TRIP12: variants seen among roughly 807,000 people sequenced by gnomAD.
TRIP12 encodes E3 ubiquitin-protein ligase TRIP12.
In TRIP12, 25 loss-of-function variants were observed where a neutral mutation model predicts 244.2. That is an observed-to-expected ratio of 0.10 (90% CI 0.07 to 0.14). TRIP12 has a LOEUF of 0.14. Ranked by LOEUF, TRIP12 falls within the 10% of genes least tolerant of loss-of-function variation. TRIP12 has a pLI of 1.00. For missense variants in TRIP12, 1,677 were observed against 2,486.4 expected (o/e 0.67, Z 6.92); for synonymous variants, 905 against 873.1 (o/e 1.04, Z -0.64).
intron 34 of TRIP12, among the ~76,000 whole-genome samples, chr2:229,779,483 T>C (rs550674010): frequency 3.3e-5 from 5 of 152,368 alleles, no homozygotes; most frequent in South Asian, 2.1e-4. Context: ...TTTCAGTATA[T>C]GCTTGCATAT....
At chr2:229,803,297 A>G (rs1053138412) in intron 20 of TRIP12, among the ~76,000 whole-genome samples, 1 of 152,164 alleles carries the variant, frequency 6.6e-6, no homozygotes, top group Non-Finnish European at 1.5e-5. Context: ...TATTTTTCTT[A>G]AAGACTGGGT....
chr2:229,810,072 CAT>C (rs1420050086), intron 15 of TRIP12, among the ~76,000 whole-genome samples: 4 of 152,208 alleles, frequency 2.6e-5, no homozygotes, highest in Non-Finnish European at 5.9e-5. Context: ...TAGAACTAAT[CAT>C]AACAGCCAGG....
chr2:229,840,809 AAAAAC>A lies in TRIP12; in HGVS notation c.1133+8_1133+12del. 4 of 1,556,044 alleles carry A rather than the reference AAAAAC, an allele frequency of 2.6e-6. No individual in the cohort carries two copies. Among genetic ancestry groups the A allele is most frequent in the Non-Finnish European group, 3.5e-6 (4 of 1,157,244 alleles). On this transcript the variant is annotated splice_region_variant and intron_variant, in intron 5 of 41. Coordinates refer to ENST00000675903, the MANE Select transcript of TRIP12 (RefSeq NM_001348323.3). ...AAAAATGAACTCACTATAAAAAAAA[AAAAAC>A]AAATTACCTGGTACTAGCACAGGAG... is the stretch of plus-strand genomic sequence containing the variant.
intron 4 of TRIP12, among the ~76,000 whole-genome samples, chr2:229,854,748 A>G (rs2059302333): frequency 6.6e-6 from 1 of 152,226 alleles, no homozygotes; most frequent in South Asian, 2.1e-4. Flanking sequence ...ACATTTAATC[A>G]TGCCTAAAAT....
chr2:229,846,443 T>A (rs997697575), intron 4 of TRIP12, among the ~76,000 whole-genome samples: 5 of 152,206 alleles, frequency 3.3e-5, no homozygotes, highest in Non-Finnish European at 5.9e-5. Flanking sequence ...AAAATATTTT[T>A]AACTAAGCCA....
intron 8 of TRIP12, among the ~76,000 whole-genome samples, chr2:229,820,279 T>C (rs2049688155): frequency 6.6e-6 from 1 of 152,018 alleles, no homozygotes; most frequent in South Asian, 2.1e-4. Flanking sequence ...CTTAAGGACA[T>C]GGATCTTATA....
chr2:229,767,408 C>T lies in TRIP12; in HGVS notation c.*146G>A. On this transcript the variant is annotated 3_prime_UTR_variant, in exon 42 of 42. Transcript: ENST00000675903. ...CCATGGGGCCATTAATGAATATCAA[C>T]CAAATGTCTCTTTATAATCTGCAAG... 2.1e-6 allele frequency: 2 copies of T among 945,088 alleles called. No homozygotes were observed. The highest frequency in any genetic ancestry group is 3.0e-6 in the Non-Finnish European group (2 of 675,630). The allele number at this position is 945,088 out of a possible 1,614,324, so 58.5% of individuals were successfully genotyped here.
Position 229,803,992 on chromosome 2 carries a change from A to AACAC in TRIP12, c.2879+3_2879+6dup. Reference sequence around the variant, plus strand: ...GTAAAATGTTTCTACTATTTTCATTAACACACCTTGAAACAGCATGATTTT... The same window carrying AACAC: ...GTAAAATGTTTCTACTATTTTCATTAACACACACACCTTGAAACAGCATGATTTT... On this transcript the variant is annotated splice_region_variant and intron_variant, in intron 19 of 41. Transcript: ENST00000675903. 2 of 1,602,426 alleles carry AACAC rather than the reference A, an allele frequency of 1.2e-6. No homozygotes were observed. The highest frequency in any genetic ancestry group is 4.5e-5 in the East Asian group (2 of 44,774).
intron 1 of TRIP12, among the ~76,000 whole-genome samples, chr2:229,920,902 G>C (rs1235257869): frequency 6.6e-6 from 1 of 152,188 alleles, no homozygotes; most frequent in Non-Finnish European, 1.5e-5. Flanking sequence ...GAAGGAAGGA[G>C]AGGGGCTGAA....
At position 229,765,109 on chromosome 2, in the gene TRIP12, G is replaced by T. The variant is rs897860048; in HGVS notation, c.*2445C>A. 2 of 152,080 alleles carry T rather than the reference G, an allele frequency of 1.3e-5. No homozygotes were observed. The highest frequency in any genetic ancestry group is 4.8e-5 in the African/African-American group (2 of 41,392). 9.4% of individuals were successfully genotyped at this position (152,080 alleles called of 1,614,324 possible). A position where few individuals can be genotyped will look rare whatever the true frequency, so the allele number is the denominator to read the frequency against. On this transcript the variant is annotated 3_prime_UTR_variant, in exon 42 of 42. Coordinates refer to ENST00000675903, the MANE Select transcript of TRIP12 (RefSeq NM_001348323.3). ...TCCTTCTTGGAATAGTTAAAAATAC[G>T]TTCTCATATATAAAGCAGATCGAAT...
chr2:229,849,583 C>T (rs999478461), intron 4 of TRIP12, among the ~76,000 whole-genome samples: 16 of 152,074 alleles, frequency 1.1e-4, no homozygotes, highest in African/African-American at 3.9e-4. Flanking sequence ...ATAGATCTGG[C>T]CAGGCATAGT....
At position 229,793,128 on chromosome 2, in the gene TRIP12, C is replaced by G; in HGVS notation, c.3986G>C (p.Gly1329Ala). ...GTTGAAAAATTTTAAAGCCTGTGAT[C>G]CTCTGTTGAGAGAAAAGCTCAAGAT... is the stretch of plus-strand genomic sequence containing the variant. ...GTGGSFSLNRGSQALKFFNTH... is the reference protein window; with the variant it reads ...GTGGSFSLNRASQALKFFNTH... The change falls in exon 27 of 42, where the codon GGA becomes GCA. Residue 1329 changes from glycine to alanine, a missense_variant. Gly to Ala is a moderately conservative substitution (Grantham distance 60). This residue lies in a region of TRIP12 where 265 missense variants were observed against 370.8 expected (regional missense o/e 0.71). Transcript: ENST00000675903. 1 of 1,612,420 alleles carries G rather than the reference C, an allele frequency of 6.2e-7. No homozygotes were observed. The highest frequency in any genetic ancestry group is 8.5e-7 in the Non-Finnish European group (1 of 1,179,268).
At chr2:229,907,561 T>C (rs1287360996) in intron 1 of TRIP12, among the ~76,000 whole-genome samples, 1 of 152,182 alleles carries the variant, frequency 6.6e-6, no homozygotes, top group Non-Finnish European at 1.5e-5. Context: ...CTTACAATGC[T>C]GAGGAAGCTG....
intron 2 of TRIP12, among the ~76,000 whole-genome samples, chr2:229,861,486 G>A (rs2060479502): frequency 6.6e-6 from 1 of 152,052 alleles, no homozygotes; most frequent in Admixed American, 6.5e-5. Context: ...ATATACCAAT[G>A]AAAATCTAGA....
Position 229,793,154 on chromosome 2 carries a change from A to C in TRIP12, c.3969-9T>G, listed in dbSNP as rs2041956973. On this transcript the variant is annotated splice_polypyrimidine_tract_variant and intron_variant, in intron 26 of 41. Coordinates refer to ENST00000675903, the MANE Select transcript of TRIP12 (RefSeq NM_001348323.3). ...CTCTGTTGAGAGAAAAGCTCAAGAT[A>C]ATTTGTGAAAAAAAAGTTAGTCTAT... 1.2e-6 allele frequency: 2 copies of C among 1,601,992 alleles called. No individual in the cohort carries two copies. Among genetic ancestry groups the C allele is most frequent in the Non-Finnish European group, 1.7e-6 (2 of 1,175,656 alleles).
rs1559957254 is a variant in TRIP12, at chr2:229,864,045, A to AGAGAGAGAGAGAGT, written c.99-3515_99-3514insACTCTCTCTCTCTC. The stretch of plus-strand genomic sequence containing the variant: ...GAGAGAGAGAGAGAGAGAGAGAGAG[A>AGAGAGAGAGAGAGT]GAGTGTGTGTGTGTGTGTGTGTGTG... On this transcript the variant is annotated intron_variant, in intron 2 of 41. Transcript: ENST00000675903. Among the ~76,000 whole-genome samples, 8 of 67,262 alleles carry AGAGAGAGAGAGAGT rather than the reference A, an allele frequency of 1.2e-4. No individual in the cohort carries two copies. The East Asian group carries it at 1.5e-3, about 13-fold the overall frequency. 44.1% of individuals were successfully genotyped at this position (67,262 alleles called of 152,430 possible).
intron 15 of TRIP12, among the ~76,000 whole-genome samples, chr2:229,809,349 T>C (rs2046682037): frequency 6.6e-6 from 1 of 152,136 alleles, no homozygotes; most frequent in Non-Finnish European, 1.5e-5. Context: ...TAGAGACAGA[T>C]AGAAGAGGCC....
chr2:229,805,948 T>A, intron 17 of TRIP12, 65 bp from the exon 18 acceptor site: 1 of 1,306,454 alleles, frequency 7.7e-7, no homozygotes, highest in South Asian at 1.9e-5. Context: ...TAAGACACAG[T>A]GGGGACCCTC....
chr2:229,922,056 T>G (rs899406932), upstream of TRIP12: 1 of 147,970 alleles, frequency 6.8e-6, no homozygotes, highest in Non-Finnish European at 1.5e-5. Context: ...CCTCCCCGCC[T>G]GCTCTGACAC....
Sources: gnomAD v4.1 joint callset for allele counts (sites outside exome capture counted in the v4.1 genomes callset) on GRCh38, gnomAD v4.1.1 for gene constraint, gnomAD v4.1.1 regional missense constraint, MANE v1.5 for transcripts, NCBI Gene and HGNC (gene_info 2026-07-23, HGNC 2026-07-21) for gene names.